MBP: variants seen among roughly 807,000 people sequenced by gnomAD.
The protein encoded by MBP is myelin basic protein, also known as Golli-MBP.
Under a neutral mutation model 35.8 loss-of-function variants are expected in MBP, and 16 were observed. That is an observed-to-expected ratio of 0.45 (90% CI 0.30 to 0.68). MBP has a LOEUF of 0.68. MBP is among the 30% of genes least tolerant of loss of function. The pLI is 0.08. For missense variants in MBP, 380 were observed against 404.7 expected, an observed-to-expected ratio of 0.94 and a Z score of 0.52; for synonymous variants, 143 against 159.6, an observed-to-expected ratio of 0.90 and a Z score of 0.78.
intron 2 of MBP, among the ~76,000 whole-genome samples, chr18:77,068,604 T>C (rs1158974942): frequency 6.6e-6 from 1 of 152,162 alleles, no homozygotes; most frequent in South Asian, 2.1e-4. Flanking sequence ...CCAATTAAGG[T>C]GTTCACATTT....
chr18:77,123,502 G>T (rs1361511238), intron 1 of MBP, among the ~76,000 whole-genome samples: 1 of 152,192 alleles, frequency 6.6e-6, no homozygotes, highest in African/African-American at 2.4e-5. Context: ...TGTCGACCTG[G>T]AAACACCGAG....
intron 7 of MBP, chr18:76,987,819 T>C (rs1969643965): frequency 9.6e-7 from 1 of 1,040,668 alleles, no homozygotes; most frequent in Admixed American, 5.1e-5. Context: ...ATGATTGGCA[T>C]TTTAATTTGG....
rs925853784 is a variant in MBP, at chr18:76,989,662, G to A, written c.681+294C>T. On this transcript the variant is annotated intron_variant, in intron 5 of 8. Transcript: ENST00000355994. This position sits in a 1 kb window ranked among gnomAD's most constrained non-coding sequence, Gnocchi z 4.0. ...AGCCCATGGCAAGCACTCTCCATAG[G>A]TTGCAAAGCCTGTGTTTTTAGGCTA... 5.5e-6 allele frequency: 2 copies of A among 365,924 alleles called. No individual in the cohort carries two copies. Among genetic ancestry groups the A allele is most frequent in the Admixed American group, 4.6e-5 (1 of 21,978 alleles). The allele number at this position is 365,924 out of a possible 1,614,324, so 22.7% of individuals were successfully genotyped here.
chr18:77,075,972 G>C (rs887421151), intron 2 of MBP, among the ~76,000 whole-genome samples: 1 of 152,198 alleles, frequency 6.6e-6, no homozygotes, highest in African/African-American at 2.4e-5. Context: ...ATACCTTAAT[G>C]CATATGGAGG....
chr18:77,091,039 A>G (rs1372960424), intron 2 of MBP, among the ~76,000 whole-genome samples: 6 of 152,196 alleles, frequency 3.9e-5, no homozygotes, highest in African/African-American at 1.4e-4. Context: ...ACATTCCTCA[A>G]ACTCATTCCT....
chr18:77,066,765 C>T (rs1974216218), intron 2 of MBP, among the ~76,000 whole-genome samples: 1 of 152,274 alleles, frequency 6.6e-6, no homozygotes, highest in Non-Finnish European at 1.5e-5. Flanking sequence ...GGCCTTACTC[C>T]TCCAATGACA....
At chr18:77,086,825 A>T (rs1378844698) in intron 2 of MBP, among the ~76,000 whole-genome samples, 1 of 152,260 alleles carries the variant, frequency 6.6e-6, no homozygotes, top group African/African-American at 2.4e-5. Flanking sequence ...AATATTTTGT[A>T]TTCCAACAAT....
rs1312105256 is a variant in MBP at position 76,979,922 on chromosome 18, G to A, written c.*505C>T. On this transcript the variant is annotated 3_prime_UTR_variant, in exon 9 of 9. Coordinates refer to ENST00000355994, the MANE Select transcript of MBP (RefSeq NM_001025101.2). ...CTCCTTGACTGTCTAATCCTGTTAG[G>A]AAAAATGAAGTCTACTTTAGGAGGT... 1 of 701,968 alleles carries A rather than the reference G, an allele frequency of 1.4e-6. No homozygotes were observed. 43.5% of individuals were successfully genotyped at this position (701,968 alleles called of 1,614,324 possible).
At chr18:77,095,586 A>G (rs1975725465) in intron 2 of MBP, 1 of 152,246 alleles carries the variant, frequency 6.6e-6, no homozygotes, top group Non-Finnish European at 1.5e-5. Flanking sequence ...GTCGGTTTCA[A>G]CACATAATTG....
chr18:77,126,007 T>A (rs117567781), intron 1 of MBP, among the ~76,000 whole-genome samples: 2,596 of 152,210 alleles, frequency 0.017, 35 homozygotes, highest in Middle Eastern at 0.045. Context: ...AAGGAGAAAT[T>A]TATGGCAATT....
intron 1 of MBP, among the ~76,000 whole-genome samples, chr18:77,126,271 G>A (rs1313233900): frequency 2.0e-5 from 3 of 152,210 alleles, no homozygotes; most frequent in Non-Finnish European, 4.4e-5. Context: ...CAGCATTAGA[G>A]AGTCAGTCAA....
chr18:76,990,925 A>G (rs1188000597), intron 4 of MBP: 1 of 296,512 alleles, frequency 3.4e-6, no homozygotes, highest in Non-Finnish European at 6.9e-6. Flanking sequence ...CTGAAGGTGA[A>G]CAAGCAAATA....
chr18:77,089,816 G>T (rs1034421600), intron 2 of MBP, among the ~76,000 whole-genome samples: 1 of 152,222 alleles, frequency 6.6e-6, no homozygotes, highest in Non-Finnish European at 1.5e-5. Flanking sequence ...ATCTGCAGGA[G>T]GTGATGAGAA....
chr18:76,980,712 G>C (rs1161738413), intron 8 of MBP: 1 of 543,146 alleles, frequency 1.8e-6, no homozygotes, highest in African/African-American at 1.9e-5. Flanking sequence ...AGGCCCCAGG[G>C]AGTGGTGCCT....
At position 77,080,509 on chromosome 18, in the gene MBP, T is replaced by C. The variant is rs1010993823; in HGVS notation, c.52-14124A>G. ...TAGATGCTGGTAGCATACCCTGCGTTGACAACCAGACCGTCTGCAGGCATT... is the reference window on the plus strand; with the variant it reads ...TAGATGCTGGTAGCATACCCTGCGTCGACAACCAGACCGTCTGCAGGCATT... On this transcript the variant is annotated intron_variant, in intron 2 of 8. Coordinates refer to ENST00000355994, the MANE Select transcript of MBP (RefSeq NM_001025101.2). Among the ~76,000 whole-genome samples, 9 of 152,174 alleles carry C rather than the reference T, an allele frequency of 5.9e-5. No individual in the cohort carries two copies. The East Asian group carries it at 1.3e-3, about 23-fold the overall frequency.
At chr18:76,990,109 G>A (rs767145851) in intron 4 of MBP, 49 bp from the exon 5 acceptor site, 9 of 1,278,390 alleles carry the variant, frequency 7.0e-6, no homozygotes, top group Admixed American at 3.9e-5. Context: ...CAGTCCCTGC[G>A]GCTTGTCCTC....
At chr18:77,059,457 A>G (rs1440787360) in intron 3 of MBP, among the ~76,000 whole-genome samples, 2 of 141,998 alleles carry the variant, frequency 1.4e-5, no homozygotes, top group Admixed American at 1.4e-4. Flanking sequence ...ATAATAATTT[A>G]ATTTTATAAA....
At chr18:77,119,632 T>C (rs573546005) in intron 1 of MBP, among the ~76,000 whole-genome samples, 2 of 152,184 alleles carry the variant, frequency 1.3e-5, no homozygotes, top group South Asian at 4.1e-4. Flanking sequence ...ACACCCTCCA[T>C]GTGTGTCTGG....
rs536350517 is a variant in MBP, at chr18:76,985,452, G to C, written c.751-558C>G. The C allele has an allele frequency of 5.9e-6, 7 of 1,191,040 alleles. No homozygotes were observed. The African/African-American group carries it at 6.4e-5, about 11-fold the overall frequency. 73.8% of individuals were successfully genotyped at this position (1,191,040 alleles called of 1,614,324 possible). On this transcript the variant is annotated intron_variant, in intron 7 of 8. Transcript: ENST00000355994. ...TCTGTCTGGGAGATCAAGAGTCCTCGGCCTTAGTAAAATGTCGAGCCTCGT... is the reference window on the plus strand; with the variant it reads ...TCTGTCTGGGAGATCAAGAGTCCTCCGCCTTAGTAAAATGTCGAGCCTCGT...
Sources: allele counts gnomAD v4.1 joint callset (sites outside exome capture counted in the v4.1 genomes callset), GRCh38; gene constraint gnomAD v4.1.1; non-coding constraint Gnocchi (gnomAD v3.1); transcripts MANE v1.5; gene names NCBI Gene and HGNC (gene_info 2026-07-23, HGNC 2026-07-21).